CC2D1A: variants seen among roughly 807,000 people sequenced by gnomAD.
CC2D1A encodes coiled-coil and C2 domain containing 1A.
In CC2D1A, 68 loss-of-function variants were observed where a neutral mutation model predicts 123.8. That is an observed-to-expected ratio of 0.55 (90% CI 0.45 to 0.67). The LOEUF (loss-of-function observed/expected upper bound fraction) is 0.67, where lower values mean the gene tolerates loss of function less well. Among genes scored for constraint, CC2D1A ranks in the 30% least tolerant of loss-of-function variants. The pLI is 0.00. For missense variants in CC2D1A, 1,185 were observed against 1,290.3 expected (o/e 0.92, Z 1.25); for synonymous variants, 477 against 528.0 (o/e 0.90, Z 1.32).
At chr19:13,909,256 G>C (rs1488385694) in intron 1 of CC2D1A, among the ~76,000 whole-genome samples, 1 of 151,976 alleles carries the variant, frequency 6.6e-6, no homozygotes, top group African/African-American at 2.4e-5. Flanking sequence ...GGCGCCTGTA[G>C]TCCCAGCTAC....
At chr19:13,919,689 AAT>A in intron 11 of CC2D1A, 127 bp from the exon 12 acceptor site, 10 of 996,472 alleles carry the variant, frequency 1.0e-5, no homozygotes, top group Non-Finnish European at 1.4e-5. Flanking sequence ...AAAAAAAAAA[AAT>A]TAATTAATTA....
rs773019247 is a variant in CC2D1A at position 13,926,804 on chromosome 19, C to CCCCTAGATT, written c.2074-17_2074-16insCCCTAGATT. 159 of 1,614,088 alleles carry CCCCTAGATT rather than the reference C, an allele frequency of 9.9e-5. 1 individual carries two copies. The East Asian group carries it at 3.5e-3, about 36-fold the overall frequency. ...GTCCCAGGCCCCCTAGATTTCCTGC[C>CCCCTAGATT]TCCTCTCTGGTCATAGGAAGAAGCT... On this transcript the variant is annotated splice_polypyrimidine_tract_variant and intron_variant, in intron 19 of 28. Transcript: ENST00000318003.
chr19:13,926,754 T>C (rs1165066338), intron 19 of CC2D1A, 29 bp downstream of exon 19: 1 of 1,614,078 alleles, frequency 6.2e-7, no homozygotes, highest in Middle Eastern at 1.6e-4. Flanking sequence ...AGGGGAGGGC[T>C]GCAGCCTCAG....
At chr19:13,910,229 T>C (rs1344775801) in intron 2 of CC2D1A, among the ~76,000 whole-genome samples, 1 of 147,392 alleles carries the variant, frequency 6.8e-6, no homozygotes, top group Non-Finnish European at 1.5e-5. Context: ...AAACTCTGTC[T>C]CTACTAAAAA....
At chr19:13,928,704 CTTTTTTTTTTTTT>C (rs60455051) in intron 24 of CC2D1A, among the ~76,000 whole-genome samples, 1 of 109,216 alleles carries the variant, frequency 9.2e-6, no homozygotes, top group Non-Finnish European at 1.9e-5. Context: ...CCCAGTGTGT[CTTTTTTTTTTTTT>C]TTTTTTTTTG....
In CC2D1A at chr19:13,906,478, A is replaced by C. The variant is rs748655557; in HGVS notation, c.37A>C (p.Arg13=). The C allele has an allele frequency of 4.6e-6, 7 of 1,512,106 alleles. No homozygotes were observed. Among genetic ancestry groups the C allele is most frequent in the Middle Eastern group, 3.7e-4 (2 of 5,358 alleles). The allele number at this position is 1,512,106 out of a possible 1,614,324, so 93.7% of individuals were successfully genotyped here. ...GAAAGGACCCCCGGGACCCCCGGGC[A>C]GAGGCGCCGCGGCCGCCCGCCAGGT... ...KRKGPPGPPG[R]GAAAARQLGL... is the part of the protein sequence containing the mutation. Residue 13 remains arginine (R), a synonymous_variant, in exon 1 of 29, where the codon AGA becomes CGA. Transcript: ENST00000318003. This position sits in a 1 kb window ranked among gnomAD's most constrained non-coding sequence, Gnocchi z 4.1.
In CC2D1A at chr19:13,906,395, G is replaced by T. The variant is rs750548001; in HGVS notation, c.-47G>T. 48 of 1,465,896 alleles carry T rather than the reference G, an allele frequency of 3.3e-5. No individual in the cohort carries two copies. In the South Asian group the frequency reaches 5.9e-4, roughly 18 times the overall value. 90.8% of individuals were successfully genotyped at this position (1,465,896 alleles called of 1,614,324 possible). A position where few individuals can be genotyped will look rare whatever the true frequency, so the allele number is the denominator to read the frequency against. On this transcript the variant is annotated 5_prime_UTR_variant, in exon 1 of 29. Coordinates refer to ENST00000318003, the MANE Select transcript of CC2D1A (RefSeq NM_017721.5). This position sits in a 1 kb window ranked among gnomAD's most constrained non-coding sequence, Gnocchi z 4.1. ...GACAGAGCCCGGGGAAGGAGGCAGG[G>T]CAAGGCCGGGCTTGGGGGCAGGTGG...
At position 13,927,203 on chromosome 19, in the gene CC2D1A, G is replaced by C; in HGVS notation, c.2254G>C (p.Gly752Arg). 6.2e-7 allele frequency: 1 copy of C among 1,614,116 alleles called. No individual in the cohort carries two copies. The highest frequency in any genetic ancestry group is 8.5e-7 in the Non-Finnish European group (1 of 1,180,026). ...GCTGTTCAAGACTGACCGGGTGCTG[G>C]GGACAGCCCAGCTGAAGCTGGATGC... is the stretch of plus-strand genomic sequence containing the variant. ...GGLFKTDRVL[G>R]TAQLKLDALE... The change falls in exon 22 of 29, where the codon GGG (glycine) becomes CGG (arginine). Residue 752 changes from glycine to arginine, a missense_variant. By Grantham distance (125) the Gly-to-Arg change is moderately radical. Transcript: ENST00000318003.
Position 13,923,031 on chromosome 19 carries a change from A to G in CC2D1A, c.1642-302A>G, listed in dbSNP as rs12104276. Among the ~76,000 whole-genome samples the G allele has an allele frequency of 0.056, 8,520 of 152,144 alleles. 799 individuals are homozygous for G. Among genetic ancestry groups the G allele is most frequent in the African/African-American group, 0.19 (8,035 of 41,462 alleles). ...AACATGGTGAAACCCTGTCTCTACT[A>G]AAAATACAAAAATTAGCCAGGTGTG... is the stretch of plus-strand genomic sequence containing the variant. On this transcript the variant is annotated intron_variant, in intron 14 of 28. Transcript: ENST00000318003. This position sits in a 1 kb window ranked among gnomAD's most constrained non-coding sequence, Gnocchi z 5.3.
At chr19:13,921,628 CT>C (rs1424938215) in intron 14 of CC2D1A, among the ~76,000 whole-genome samples, 5 of 152,118 alleles carry the variant, frequency 3.3e-5, no homozygotes, top group Non-Finnish European at 7.3e-5. Context: ...AGTGACATCA[CT>C]TTTGCTTGCC....
chr19:13,915,611 T>C (rs1971179688), intron 6 of CC2D1A, among the ~76,000 whole-genome samples: 2 of 152,126 alleles, frequency 1.3e-5, no homozygotes, highest in Non-Finnish European at 2.9e-5. Context: ...CCCAGCACTC[T>C]GGGAGGCCAG....
Position 13,927,281 on chromosome 19 carries a change from TC to T in CC2D1A, c.2316+17del. The T allele has an allele frequency of 6.3e-7, 1 of 1,598,078 alleles. No individual in the cohort carries two copies. The highest frequency in any genetic ancestry group is 1.7e-5 in the Admixed American group (1 of 59,984). On this transcript the variant is annotated intron_variant, in intron 22 of 28. Coordinates refer to ENST00000318003, the MANE Select transcript of CC2D1A (RefSeq NM_017721.5). Reference sequence around the variant, plus strand: ...GATCCTTGAGGTGAGAGGTGGACATTCATCCGCGTGCTCCGGTATGGCCATG... The same window carrying T: ...GATCCTTGAGGTGAGAGGTGGACATTATCCGCGTGCTCCGGTATGGCCATG...
At chr19:13,919,237 GC>G (rs1269512679) in intron 11 of CC2D1A, 35 bp downstream of exon 11, 1 of 1,538,028 alleles carries the variant, frequency 6.5e-7, no homozygotes, top group Non-Finnish European at 8.8e-7. Flanking sequence ...GCCCCAGTAG[GC>G]CCCGCCCCCG....
chr19:13,926,024 A>ATG (rs1209269357), intron 17 of CC2D1A, among the ~76,000 whole-genome samples: 61 of 105,998 alleles, frequency 5.8e-4, no homozygotes, highest in African/African-American at 2.1e-3. Context: ...ACGTATATAT[A>ATG]TGTGTATATA....
At chr19:13,915,849 G>A (rs567144716) in intron 6 of CC2D1A, among the ~76,000 whole-genome samples, 93 of 152,124 alleles carry the variant, frequency 6.1e-4, no homozygotes, top group African/African-American at 2.1e-3. Flanking sequence ...AAACAGAAGA[G>A]GATTGAATGG....
In CC2D1A at chr19:13,927,160, C is replaced by T. The variant is rs751747580; in HGVS notation, c.2226-15C>T. ...AACCAACCATCCTGTCCCCACTATA[C>T]ACACATGCACACAGGGGGCTGTTCA... On this transcript the variant is annotated splice_polypyrimidine_tract_variant and intron_variant, in intron 21 of 28. Transcript: ENST00000318003. 3.7e-6 allele frequency: 6 copies of T among 1,613,514 alleles called. No individual in the cohort carries two copies. The highest frequency in any genetic ancestry group is 3.3e-5 in the South Asian group (3 of 91,062).
rs1056032126 is a variant in CC2D1A, at chr19:13,923,192, CAAAAA to C, written c.1642-132_1642-128del. 4.6e-6 allele frequency: 4 copies of C among 876,406 alleles called. No homozygotes were observed. The South Asian group carries it at 5.6e-5, about 12-fold the overall frequency. The allele number at this position is 876,406 out of a possible 1,614,324, so 54.3% of individuals were successfully genotyped here. Reference sequence around the variant, plus strand: ...TGGGCAACAGAGCGAGACTCCATCTCAAAAAAAAAAAAAGACCAGAGAAGGGTGAC... The same window carrying C: ...TGGGCAACAGAGCGAGACTCCATCTCAAAAAAAAGACCAGAGAAGGGTGAC... On this transcript the variant is annotated intron_variant, in intron 14 of 28. Transcript: ENST00000318003. This position sits in a 1 kb window ranked among gnomAD's most constrained non-coding sequence, Gnocchi z 5.3.
rs199644216 is a variant in CC2D1A, at chr19:13,919,940, G to A, written c.1345G>A (p.Val449Met). Residue 449 changes from valine to methionine, a missense_variant, in exon 12 of 29, where the codon GTG becomes ATG. Physicochemically the swap from Val to Met is conservative, Grantham distance 21. Transcript: ENST00000318003. ...DEGPEDEEDE[V>M]PKKQNSPVAP... ...AGGCCCAGAGGATGAAGAGGATGAG[G>A]TGCCTAAGAAGGTTTGAGGGTTGGG... 5.1e-4 allele frequency: 816 copies of A among 1,612,624 alleles called. 2 individuals are homozygous for A. Among genetic ancestry groups the A allele is most frequent in the Middle Eastern group, 1.6e-3 (9 of 5,584 alleles).
chr19:13,918,575 CG>C lies in CC2D1A; in HGVS notation c.946+1del, dbSNP rs1568411037. Reference protein sequence around the residue: ...VDLSCLPPPPDQLPPDPPSPP... With the variant: ...VDLSCLPPPPXQLPPDPPSPP... ...ACCTCTCCTGCCTGCCCCCTCCACC[CG>C]GTGAGAACCCTGCCATGCCCACTCT... On this transcript the variant is annotated frameshift_variant and splice_region_variant, in exon 8 of 29. Coordinates refer to ENST00000318003, the MANE Select transcript of CC2D1A (RefSeq NM_017721.5). LOFTEE classifies it high-confidence loss of function. The C allele has an allele frequency of 6.2e-7, 1 of 1,613,172 alleles. No homozygotes were observed. Among genetic ancestry groups the C allele is most frequent in the South Asian group, 1.1e-5 (1 of 91,036 alleles).
Sources: gnomAD v4.1 joint callset for allele counts (sites outside exome capture counted in the v4.1 genomes callset) on GRCh38, gnomAD v4.1.1 for gene constraint, Gnocchi (gnomAD v3.1) non-coding constraint, MANE v1.5 for transcripts, NCBI Gene and HGNC (gene_info 2026-07-23, HGNC 2026-07-21) for gene names.